The following TENM2 variants were observed in gnomAD, a reference collection of about 807,000 sequenced individuals.
TENM2 encodes teneurin-2.
A neutral mutation model predicts 245.2 loss-of-function variants in TENM2; 52 were observed. The ratio of observed to expected loss-of-function variants is 0.21; its 90% confidence interval spans 0.17 to 0.27. The LOEUF is 0.27. TENM2 is among the 10% of genes least tolerant of loss of function. The pLI is 1.00. For missense variants in TENM2, 3,046 were observed against 3,666.8 expected, an observed-to-expected ratio of 0.83 and a Z score of 4.37; for synonymous variants, 1,363 against 1,438.9, an observed-to-expected ratio of 0.95 and a Z score of 1.19.
the TENM2 span, among the ~76,000 whole-genome samples, chr5:167,133,924 T>A: frequency 2.6e-5 from 4 of 152,170 alleles, no homozygotes; most frequent in African/African-American, 9.7e-5. Context: ...AACTAAAGTC[T>A]TTTTTCACTT....
At chr5:167,143,769 G>A in the TENM2 span, among the ~76,000 whole-genome samples, 8 of 152,154 alleles carry the variant, frequency 5.3e-5, no homozygotes, top group African/African-American at 1.9e-4. Flanking sequence ...TTACAAAGCC[G>A]TGCAAGGATG....
chr5:167,601,330 G>C (rs1776620443), intron 2 of TENM2, among the ~76,000 whole-genome samples: 1 of 152,262 alleles, frequency 6.6e-6, no homozygotes, highest in African/African-American at 2.4e-5. Flanking sequence ...GTGGTAGTGT[G>C]ACTGAGGACT....
chr5:167,316,636 C>A (rs1363252339), intron 1 of TENM2, among the ~76,000 whole-genome samples: 1 of 152,104 alleles, frequency 6.6e-6, no homozygotes, highest in Non-Finnish European at 1.5e-5. Flanking sequence ...TCCACACATC[C>A]CCACACATGT....
intron 3 of TENM2, among the ~76,000 whole-genome samples, chr5:167,937,322 C>T (rs902120051): frequency 6.6e-6 from 1 of 152,148 alleles, no homozygotes; most frequent in Non-Finnish European, 1.5e-5. Context: ...AGGAATAAAG[C>T]CGCTACAAAT....
At chr5:167,836,547 C>CA (rs1031808366) in intron 2 of TENM2, among the ~76,000 whole-genome samples, 3 of 152,066 alleles carry the variant, frequency 2.0e-5, no homozygotes, top group East Asian at 3.9e-4. Context: ...AGCTACCTGA[C>CA]AAAAAAATAA....
At chr5:167,841,036 T>C (rs1459485954) in intron 2 of TENM2, among the ~76,000 whole-genome samples, 3 of 149,578 alleles carry the variant, frequency 2.0e-5, no homozygotes, top group East Asian at 2.0e-4. Context: ...GAATAGGTCA[T>C]TTTTATGTAA....
At chr5:167,711,496 A>G (rs1029056346) in intron 2 of TENM2, among the ~76,000 whole-genome samples, 2 of 152,126 alleles carry the variant, frequency 1.3e-5, no homozygotes, top group Non-Finnish European at 2.9e-5. Context: ...CCCTGGGCCA[A>G]TATTTCCAGC....
At chr5:166,983,151 A>T in the TENM2 span, among the ~76,000 whole-genome samples, 1 of 152,116 alleles carries the variant, frequency 6.6e-6, no homozygotes, top group African/African-American at 2.4e-5. Flanking sequence ...AGAGGATAAT[A>T]TATCAGGTCC....
At chr5:167,768,751 T>C (rs1056274246) in intron 2 of TENM2, among the ~76,000 whole-genome samples, 1 of 152,108 alleles carries the variant, frequency 6.6e-6, no homozygotes, top group Non-Finnish European at 1.5e-5. Flanking sequence ...GCCTTTCTCA[T>C]GAGATTCTTG....
chr5:167,457,207 C>A (rs1185849099), intron 2 of TENM2, among the ~76,000 whole-genome samples: 1 of 151,928 alleles, frequency 6.6e-6, no homozygotes, highest in African/African-American at 2.4e-5. Flanking sequence ...AGTTAGTAGA[C>A]CAATCATTCT....
intron 7 of TENM2, among the ~76,000 whole-genome samples, chr5:168,064,942 T>A (rs1163187812): frequency 6.6e-6 from 1 of 152,240 alleles, no homozygotes; most frequent in Non-Finnish European, 1.5e-5. Context: ...CATGTCCATT[T>A]GATGAACTAC....
chr5:168,047,666 G>A lies in TENM2; in HGVS notation c.1309+117G>A, dbSNP rs949388443. ...AAGGTATGCCAAAAGAAAAAGAAAC[G>A]GGGGGAAAAATCATTGCCTTTCATA... is the stretch of plus-strand genomic sequence containing the variant. On this transcript the variant is annotated intron_variant, in intron 6 of 28. Transcript: ENST00000518659. 18 of 1,272,800 alleles carry A rather than the reference G, an allele frequency of 1.4e-5. No individual in the cohort carries two copies. In the Middle Eastern group the frequency reaches 6.5e-4, roughly 46 times the overall value. The allele number at this position is 1,272,800 out of a possible 1,614,324, so 78.8% of individuals were successfully genotyped here.
intron 27 of TENM2, among the ~76,000 whole-genome samples, chr5:168,256,095 C>T (rs1359883999): frequency 6.6e-6 from 1 of 152,006 alleles, no homozygotes; most frequent in East Asian, 1.9e-4. Context: ...TGAGCCACCG[C>T]GCCTGGCTAG....
At chr5:167,912,832 G>A (rs1323186810) in intron 3 of TENM2, among the ~76,000 whole-genome samples, 2 of 152,148 alleles carry the variant, frequency 1.3e-5, no homozygotes, top group Admixed American at 6.5e-5. Context: ...TCTCCCAAGA[G>A]TAACTAGAGA....
At chr5:167,417,728 A>G (rs910596621) in intron 2 of TENM2, among the ~76,000 whole-genome samples, 1 of 152,148 alleles carries the variant, frequency 6.6e-6, no homozygotes, top group Non-Finnish European at 1.5e-5. Flanking sequence ...GTGAAGGTGT[A>G]AGAGGAAGAG....
intron 5 of TENM2, among the ~76,000 whole-genome samples, chr5:167,996,538 A>G (rs939810902): frequency 2.0e-5 from 3 of 152,182 alleles, no homozygotes; most frequent in African/African-American, 7.2e-5. Flanking sequence ...CAGCTCAGGT[A>G]CTTTCATTAC....
chr5:167,597,424 T>C (rs1469842300), intron 2 of TENM2, among the ~76,000 whole-genome samples: 2 of 152,102 alleles, frequency 1.3e-5, no homozygotes, highest in Non-Finnish European at 2.9e-5. Flanking sequence ...TCAAGTGATC[T>C]GCCTGCCTCA....
chr5:167,053,236 T>C, the TENM2 span, among the ~76,000 whole-genome samples: 2 of 152,230 alleles, frequency 1.3e-5, no homozygotes, highest in African/African-American at 2.4e-5. Flanking sequence ...TTATGACACT[T>C]ATTACATGGA....
the TENM2 span, among the ~76,000 whole-genome samples, chr5:167,029,732 G>A: frequency 5.3e-5 from 8 of 152,196 alleles, no homozygotes; most frequent in Admixed American, 4.6e-4. Flanking sequence ...GCCATGGTCA[G>A]GGCTTTGGCA....
Sources: allele counts gnomAD v4.1 joint callset (sites outside exome capture counted in the v4.1 genomes callset), GRCh38; gene constraint gnomAD v4.1.1; transcripts MANE v1.5; gene names NCBI Gene and HGNC (gene_info 2026-07-23, HGNC 2026-07-21).